Variants in ERAP1 observed in about 807,000 individuals in gnomAD.
ERAP1 encodes the protein adipocyte-derived leucine aminopeptidase.
Under a neutral mutation model 103.7 loss-of-function variants are expected in ERAP1, and 86 were observed. That is an observed-to-expected ratio of 0.83 (90% confidence interval 0.70 to 0.99). The LOEUF is 0.99. Among genes scored for constraint, ERAP1 ranks in the 50% least tolerant of loss-of-function variants. The pLI is 0.00. For synonymous variants in ERAP1, 398 were observed against 402.4 expected, an observed-to-expected ratio of 0.99 and a Z score of 0.13; for missense variants, 1,009 against 1,128.4, an observed-to-expected ratio of 0.89 and a Z score of 1.52.
the ERAP1 span, among the ~76,000 whole-genome samples, chr5:96,818,480 G>T: frequency 6.6e-6 from 1 of 151,092 alleles, no homozygotes; most frequent in Non-Finnish European, 1.5e-5. Flanking sequence ...TGGCCCTAGA[G>T]TTAATGGCTA....
intron 5 of ERAP1, 99 bp downstream of exon 5, chr5:96,794,943 G>T: frequency 6.9e-7 from 1 of 1,443,992 alleles, no homozygotes; most frequent in East Asian, 2.5e-5. Flanking sequence ...TGTGGCTTGA[G>T]GGGCTGCTGA....
intron 19 of ERAP1, chr5:96,763,245 G>T (rs1768643072): frequency 1.3e-6 from 1 of 780,570 alleles, no homozygotes; most frequent in African/African-American, 1.7e-5. Context: ...ATATCCAGAG[G>T]CACAAATGAC....
At chr5:96,807,683 T>C (rs1778797560) in intron 1 of ERAP1, among the ~76,000 whole-genome samples, 177 bp downstream of exon 1, 1 of 147,806 alleles carries the variant, frequency 6.8e-6, no homozygotes, top group South Asian at 2.1e-4. Context: ...CCCCGTCGCC[T>C]TCCTCCCGCG....
chr5:96,786,912 G>T (rs1223677781), intron 11 of ERAP1, among the ~76,000 whole-genome samples: 1 of 152,150 alleles, frequency 6.6e-6, no homozygotes, highest in Non-Finnish European at 1.5e-5. Context: ...TCCTGTCAAT[G>T]ATATGTAAGC....
At chr5:96,852,758 T>C in the ERAP1 span, among the ~76,000 whole-genome samples, 6 of 152,228 alleles carry the variant, frequency 3.9e-5, no homozygotes, top group African/African-American at 1.4e-4. Flanking sequence ...CAGATGGTAA[T>C]GTGAATAGAA....
In ERAP1 at chr5:96,787,805, TATATATATACAC is replaced by T. The variant is rs772992768; in HGVS notation, c.1679+714_1679+725del. On this transcript the variant is annotated intron_variant, in intron 11 of 18. Transcript: ENST00000443439. Reference sequence around the variant, plus strand: ...TATATTATATATATATATGTGTGTGTATATATATACACATATATATGTATATATACACACACA... The same window carrying T: ...TATATTATATATATATATGTGTGTGTATATATATGTATATATACACACACA... Among the ~76,000 whole-genome samples the T allele has an allele frequency of 1.7e-3, 156 of 91,740 alleles. 1 individual carries two copies. In the Middle Eastern group the frequency reaches 0.031, roughly 18 times the overall value. The allele number at this position is 91,740 out of a possible 152,430, so 60.2% of individuals were successfully genotyped here. A position where few individuals can be genotyped will look rare whatever the true frequency, so the allele number is the denominator to read the frequency against.
chr5:96,925,322 G>C, the ERAP1 span, among the ~76,000 whole-genome samples: 1 of 152,216 alleles, frequency 6.6e-6, no homozygotes, highest in Non-Finnish European at 1.5e-5. Flanking sequence ...TTACAAAGGA[G>C]AAAGTGAAGC....
chr5:96,841,425 T>C, the ERAP1 span, among the ~76,000 whole-genome samples: 1 of 152,354 alleles, frequency 6.6e-6, no homozygotes, highest in East Asian at 1.9e-4. Context: ...GTTCTAGTAA[T>C]GCTTTTTGTA....
chr5:96,804,701 A>G (rs1364113215), intron 1 of ERAP1: 1 of 152,834 alleles, frequency 6.5e-6, no homozygotes, highest in African/African-American at 2.4e-5. Flanking sequence ...TAATCCCAGC[A>G]CTTTGGGAGG....
At chr5:96,765,827 A>G (rs1353849350) in intron 19 of ERAP1, among the ~76,000 whole-genome samples, 1 of 152,198 alleles carries the variant, frequency 6.6e-6, no homozygotes, top group Non-Finnish European at 1.5e-5. Context: ...ATAGCTAGAA[A>G]ATTCACAGAT....
the ERAP1 span, among the ~76,000 whole-genome samples, chr5:96,924,005 A>G: frequency 1.3e-5 from 2 of 152,244 alleles, no homozygotes; most frequent in Non-Finnish European, 2.9e-5. Flanking sequence ...AATTAAGGGC[A>G]GTATCTGTCA....
At chr5:96,782,186 AT>A (rs966233644) in intron 15 of ERAP1, among the ~76,000 whole-genome samples, 1 of 151,460 alleles carries the variant, frequency 6.6e-6, no homozygotes, top group African/African-American at 2.4e-5. Context: ...CATTTTTTGT[AT>A]TTTAGTAGAG....
rs17086651 is a variant in ERAP1 at position 96,762,144 on chromosome 5, T to C, written c.*1056A>G. ...TTAAATTTCTTTTAAAATTATATGTTATTATGAGTCTATTTGGTCAAGAGA... is the reference window on the plus strand; with the variant it reads ...TTAAATTTCTTTTAAAATTATATGTCATTATGAGTCTATTTGGTCAAGAGA... On this transcript the variant is annotated 3_prime_UTR_variant, in exon 20 of 20. Coordinates refer to the ERAP1 transcript ENST00000296754. The C allele has an allele frequency of 0.084, 40,507 of 484,834 alleles. 3,336 individuals are homozygous for C. The highest frequency in any genetic ancestry group is 0.32 in the East Asian group (9,772 of 30,618). The allele number at this position is 484,834 out of a possible 1,614,324, so 30.0% of individuals were successfully genotyped here. A position where few individuals can be genotyped will look rare whatever the true frequency, so the allele number is the denominator to read the frequency against.
At chr5:96,842,102 G>C in the ERAP1 span, among the ~76,000 whole-genome samples, 2 of 152,080 alleles carry the variant, frequency 1.3e-5, no homozygotes, top group Admixed American at 6.6e-5. Context: ...CCAGGTTGCT[G>C]CAAATGCCAT....
chr5:96,903,248 CATT>C, the ERAP1 span: 2 of 684,086 alleles, frequency 2.9e-6, no homozygotes, highest in East Asian at 5.6e-5. Flanking sequence ...AAATGAATAT[CATT>C]ATGACTCTCC....
At chr5:96,852,213 C>A in the ERAP1 span, among the ~76,000 whole-genome samples, 5 of 152,260 alleles carry the variant, frequency 3.3e-5, no homozygotes, top group East Asian at 7.7e-4. Flanking sequence ...GCCTTATATA[C>A]TCAGGATCAT....
intron 12 of ERAP1, 89 bp from the exon 13 acceptor site, chr5:96,786,060 A>G: frequency 7.7e-7 from 1 of 1,300,178 alleles, no homozygotes; most frequent in East Asian, 2.4e-5. Context: ...GAAATTAGAG[A>G]AGAGTTTAAT....
rs778369947 is a variant in ERAP1, at chr5:96,790,365, A to T, written c.1455T>A (p.Ile485=). ...TCCCTTTTACACCATCTGTAGGGCA[A>T]ATCTAAAAACCAAAAATAAACACAT... ...NEDLWDSMAS[I]CPTDGVKGMD... is the part of the protein sequence containing the mutation. Residue 485 remains isoleucine (I), a splice_region_variant and synonymous_variant, in exon 10 of 19, where the codon ATT becomes ATA. Coordinates refer to ENST00000443439, the MANE Select transcript of ERAP1 (RefSeq NM_001040458.3). 1.2e-6 allele frequency: 2 copies of T among 1,614,084 alleles called. No homozygotes were observed. Among genetic ancestry groups the T allele is most frequent in the Middle Eastern group, 1.7e-4 (1 of 6,060 alleles).
At chr5:96,788,908 G>A (rs1005119766) in intron 10 of ERAP1, among the ~76,000 whole-genome samples, 2 of 152,200 alleles carry the variant, frequency 1.3e-5, no homozygotes, top group Non-Finnish European at 2.9e-5. Flanking sequence ...CGTGTCTGGA[G>A]GACAGGTAGC....
Sources: allele counts gnomAD v4.1 joint callset (sites outside exome capture counted in the v4.1 genomes callset), GRCh38; gene constraint gnomAD v4.1.1; transcripts MANE v1.5; gene names NCBI Gene and HGNC (gene_info 2026-07-23, HGNC 2026-07-21).